The following MAGI2 variants were observed in gnomAD, a reference collection of about 807,000 sequenced individuals.
MAGI2 encodes membrane associated guanylate kinase, WW and PDZ domain containing 2, also known as membrane-associated guanylate kinase, WW and PDZ domain-containing protein 2.
In MAGI2, 35 loss-of-function variants were observed where a neutral mutation model predicts 133.3. That is an observed-to-expected ratio of 0.26 (90% CI 0.20 to 0.35). MAGI2 has a LOEUF of 0.35. Ranked by LOEUF, MAGI2 falls within the 10% of genes least tolerant of loss-of-function variation. The pLI is 1.00. For synonymous variants in MAGI2, 729 were observed against 710.6 expected (o/e 1.03, Z -0.41); for missense variants, 1,636 against 1,863.4 (o/e 0.88, Z 2.25).
At chr7:78,503,805 T>C (rs1313526847) in intron 4 of MAGI2, among the ~76,000 whole-genome samples, 1 of 151,316 alleles carries the variant, frequency 6.6e-6, no homozygotes, top group Non-Finnish European at 1.5e-5. Flanking sequence ...CCGTTATGAT[T>C]GACCTCATAA....
intron 6 of MAGI2, among the ~76,000 whole-genome samples, chr7:78,462,049 T>C (rs1790118280): frequency 6.6e-6 from 1 of 151,766 alleles, no homozygotes; most frequent in Non-Finnish European, 1.5e-5. Flanking sequence ...TTCAATTTTG[T>C]AAAGAAAATG....
In MAGI2 at chr7:79,224,142, AATAAT is replaced by A. The variant is rs560469319; in HGVS notation, c.302-216941_302-216937del. On this transcript the variant is annotated intron_variant, in intron 1 of 21. Transcript: ENST00000354212. ...AGGTACTATCATAGGATCCTGGACT[AATAAT>A]AGAATCCTAAACTGTTCTTGTTGAC... Among the ~76,000 whole-genome samples, 182 of 152,154 alleles carry A rather than the reference AATAAT, an allele frequency of 1.2e-3. 1 individual carries two copies. The highest frequency in any genetic ancestry group is 3.7e-3 in the South Asian group (18 of 4,826).
intron 3 of MAGI2, among the ~76,000 whole-genome samples, chr7:78,557,097 A>AAAAAAAAAAAAAAAAAAAG (rs1554473311): frequency 1.4e-5 from 2 of 138,958 alleles, no homozygotes; most frequent in African/African-American, 6.0e-5. Flanking sequence ...AAAAAAAAAA[A>AAAAAAAAAAAAAAAAAAAG]AAAGAAAAAG....
intron 10 of MAGI2, among the ~76,000 whole-genome samples, chr7:78,243,222 G>A (rs982138885): frequency 8.5e-6 from 1 of 117,564 alleles, no homozygotes; most frequent in African/African-American, 3.3e-5. Flanking sequence ...AAATGGTTCA[G>A]ATACACACAC....
At chr7:79,384,513 T>C (rs1050624874) in intron 1 of MAGI2, among the ~76,000 whole-genome samples, 5 of 151,612 alleles carry the variant, frequency 3.3e-5, no homozygotes, top group Non-Finnish European at 5.9e-5. Flanking sequence ...TCTTTGAAAA[T>C]GTAAGCAATT....
chr7:78,463,360 T>C (rs577813252), intron 6 of MAGI2, among the ~76,000 whole-genome samples: 59 of 152,268 alleles, frequency 3.9e-4, no homozygotes, highest in African/African-American at 1.2e-3. Context: ...TTAAAGACAG[T>C]AATGTTTAAA....
At chr7:78,773,362 A>T (rs1201823895) in intron 2 of MAGI2, among the ~76,000 whole-genome samples, 2 of 152,224 alleles carry the variant, frequency 1.3e-5, no homozygotes, top group Admixed American at 1.3e-4. Context: ...TGGCAAAAAC[A>T]GTATAGCAAC....
intron 1 of MAGI2, among the ~76,000 whole-genome samples, chr7:79,202,699 A>G (rs1787628853): frequency 6.6e-6 from 1 of 152,058 alleles, no homozygotes; most frequent in Non-Finnish European, 1.5e-5. Context: ...GGAAATTGTA[A>G]TAATCACTTT....
At chr7:78,989,386 G>A (rs1245857565) in intron 2 of MAGI2, among the ~76,000 whole-genome samples, 1 of 152,052 alleles carries the variant, frequency 6.6e-6, no homozygotes, top group Non-Finnish European at 1.5e-5. Flanking sequence ...TGATTTACTT[G>A]GCTGCTGCTG....
At chr7:79,282,641 C>T (rs775563831) in intron 1 of MAGI2, among the ~76,000 whole-genome samples, 19 of 152,168 alleles carry the variant, frequency 1.2e-4, no homozygotes, top group African/African-American at 4.1e-4. Context: ...AGGAGGAGAA[C>T]CCTTACTGTG....
At chr7:79,273,122 A>G (rs1048790331) in intron 1 of MAGI2, among the ~76,000 whole-genome samples, 2 of 152,102 alleles carry the variant, frequency 1.3e-5, no homozygotes, top group South Asian at 2.1e-4. Context: ...AGTTAAACGT[A>G]TCTCTCATTC....
chr7:78,492,415 A>G (rs1793709026), intron 5 of MAGI2, among the ~76,000 whole-genome samples: 1 of 152,154 alleles, frequency 6.6e-6, no homozygotes, highest in Non-Finnish European at 1.5e-5. Flanking sequence ...AAGATCCAGC[A>G]CAGTATTTTT....
At chr7:78,513,488 G>A (rs1237518765) in intron 4 of MAGI2, among the ~76,000 whole-genome samples, 1 of 151,100 alleles carries the variant, frequency 6.6e-6, no homozygotes. Flanking sequence ...TCACTTTCCT[G>A]AGGAGAACTA....
intron 21 of MAGI2, among the ~76,000 whole-genome samples, chr7:78,055,273 A>G (rs1812446144): frequency 1.3e-5 from 2 of 152,238 alleles, no homozygotes; most frequent in South Asian, 2.1e-4. Flanking sequence ...CATGATCTTC[A>G]TGTCACATTT....
intron 2 of MAGI2, among the ~76,000 whole-genome samples, chr7:78,972,464 TGAA>T (rs1803873562): frequency 6.6e-6 from 1 of 151,876 alleles, no homozygotes; most frequent in African/African-American, 2.4e-5. Context: ...GTTCTAATTG[TGAA>T]ACTAAAACAT....
chr7:78,650,138 T>C (rs1427665091), intron 2 of MAGI2, among the ~76,000 whole-genome samples: 1 of 152,150 alleles, frequency 6.6e-6, no homozygotes, highest in East Asian at 1.9e-4. Context: ...CTATACCTTC[T>C]TGGTTATTCA....
chr7:79,076,757 T>C (rs1815501327), intron 1 of MAGI2, among the ~76,000 whole-genome samples: 1 of 152,240 alleles, frequency 6.6e-6, no homozygotes. Context: ...ATACTGTAGA[T>C]GTCCCATAAG....
In MAGI2 at chr7:78,019,274, T is replaced by C. The variant is rs765943585; in HGVS notation, c.*41A>G. The C allele has an allele frequency of 1.4e-5, 22 of 1,574,418 alleles. No individual in the cohort carries two copies. The highest frequency in any genetic ancestry group is 3.4e-6 in the Non-Finnish European group (4 of 1,169,234). Reference sequence around the variant, plus strand: ...CCGTGAGACGGAACCTAAGAAGAACTGCCTGCGCCGGGGCGGGCGGGTTGG... The same window carrying C: ...CCGTGAGACGGAACCTAAGAAGAACCGCCTGCGCCGGGGCGGGCGGGTTGG... On this transcript the variant is annotated 3_prime_UTR_variant, in exon 22 of 22. Coordinates refer to ENST00000354212, the MANE Select transcript of MAGI2 (RefSeq NM_012301.4).
intron 1 of MAGI2, among the ~76,000 whole-genome samples, chr7:79,430,538 C>T (rs940706630): frequency 6.6e-6 from 1 of 152,136 alleles, no homozygotes; most frequent in African/African-American, 2.4e-5. Flanking sequence ...TGTTTCTTGA[C>T]TCCTTCTCAA....
Sources: allele counts gnomAD v4.1 joint callset (sites outside exome capture counted in the v4.1 genomes callset), GRCh38; gene constraint gnomAD v4.1.1; transcripts MANE v1.5; gene names NCBI Gene and HGNC (gene_info 2026-07-23, HGNC 2026-07-21).